The following E2F6 variants were observed in gnomAD, a reference collection of about 807,000 sequenced individuals.
E2F6 encodes E2F transcription factor 6.
E2F6 carries 19 observed loss-of-function variants against 31.5 expected under a neutral mutation model. The ratio of observed to expected loss-of-function variants is 0.60; its 90% CI spans 0.42 to 0.89. E2F6 has a LOEUF of 0.89. Ranked by LOEUF, E2F6 falls within the 40% of genes least tolerant of loss-of-function variation. The pLI, the probability that E2F6 is intolerant of heterozygous loss-of-function variation, is 0.00. For missense variants in E2F6, 269 were observed against 341.6 expected (o/e 0.79, Z 1.67); for synonymous variants, 121 against 127.7 (o/e 0.95, Z 0.36).
At chr2:11,461,350 T>C (rs1671767668) in intron 1 of E2F6, among the ~76,000 whole-genome samples, 1 of 152,114 alleles carries the variant, frequency 6.6e-6, no homozygotes, top group Non-Finnish European at 1.5e-5. Flanking sequence ...CTTTCTATTT[T>C]ATTTATTTAT....
rs986692351 is a variant in E2F6, at chr2:11,444,605, A to T, written c.*1872T>A. On this transcript the variant is annotated 3_prime_UTR_variant, in exon 7 of 7. Coordinates refer to ENST00000381525, the MANE Select transcript of E2F6 (RefSeq NM_198256.4). Reference sequence around the variant, plus strand: ...CCCACCCGCCCCATTATTCCTTCTCAGGAGACTTCTTCTGTATTTCTCCTT... The same window carrying T: ...CCCACCCGCCCCATTATTCCTTCTCTGGAGACTTCTTCTGTATTTCTCCTT... The T allele has an allele frequency of 7.9e-6, 1 of 125,854 alleles. No individual in the cohort carries two copies. The highest frequency in any genetic ancestry group is 1.6e-5 in the Non-Finnish European group (1 of 64,344). 7.8% of individuals were successfully genotyped at this position (125,854 alleles called of 1,614,324 possible).
At chr2:11,465,691 A>G (rs1672145942) in intron 1 of E2F6, 81 bp downstream of exon 1, 1 of 1,451,354 alleles carries the variant, frequency 6.9e-7, no homozygotes, top group African/African-American at 1.4e-5. Context: ...GACGACGGCC[A>G]GCGGGGTTGG....
chr2:11,450,172 GA>G, intron 4 of E2F6, 46 bp from the exon 5 acceptor site: 1 of 1,319,996 alleles, frequency 7.6e-7, no homozygotes, highest in Non-Finnish European at 1.1e-6. Flanking sequence ...GTTTACTGGG[GA>G]GGTAATTTAT....
rs750544995 is a variant in E2F6, at chr2:11,453,666, C to A, written c.296G>T (p.Arg99Leu). 6.2e-7 allele frequency: 1 copy of A among 1,614,166 alleles called. No individual in the cohort carries two copies. Among genetic ancestry groups the A allele is most frequent in the East Asian group, 2.2e-5 (1 of 44,880 alleles). Residue 99 changes from arginine to leucine, a missense_variant, in exon 3 of 7, where the codon CGA becomes CTA. Physicochemically the swap from Arg to Leu is moderately radical, Grantham distance 102. Transcript: ENST00000381525. ...LNKVATKLGV[R>L]KRRVYDITNV... is the part of the protein sequence containing the mutation. ...GGTGATGTCATACACTCTCCGCTTT[C>A]GGACTCCCAGTTTCGTTGCAACCTT...
chr2:11,465,763 G>A lies in E2F6; in HGVS notation c.108+9C>T. On this transcript the variant is annotated intron_variant, in intron 1 of 6. Coordinates refer to ENST00000381525, the MANE Select transcript of E2F6 (RefSeq NM_198256.4). The stretch of plus-strand genomic sequence containing the variant: ...CCACCGCCCGTCCCCGTCCCGTCCC[G>A]GAGCTTACCAGCAGGCCCTCCACGT... 15 of 1,583,052 alleles carry A rather than the reference G, an allele frequency of 9.5e-6. No individual in the cohort carries two copies. Among genetic ancestry groups the A allele is most frequent in the East Asian group, 2.3e-5 (1 of 43,080 alleles).
At position 11,448,423 on chromosome 2, in the gene E2F6, A is replaced by G. The variant is rs72770184; in HGVS notation, c.652-649T>C. Among the ~76,000 whole-genome samples the G allele has an allele frequency of 3.1e-3, 471 of 152,294 alleles. 1 individual carries two copies. The highest frequency in any genetic ancestry group is 6.8e-3 in the South Asian group (33 of 4,824). On this transcript the variant is annotated intron_variant, in intron 5 of 6. Coordinates refer to ENST00000381525, the MANE Select transcript of E2F6 (RefSeq NM_198256.4). ...AATTGGGAGCTGCTTCAACTATAAC[A>G]AAGTCTGTTTTCTCCCCTTTAATGC...
intron 2 of E2F6, 119 bp from the exon 3 acceptor site, chr2:11,453,917 G>T: frequency 1.2e-6 from 1 of 850,836 alleles, no homozygotes; most frequent in South Asian, 1.8e-5. Flanking sequence ...CCTACACATT[G>T]ACCAAATCAA....
chr2:11,461,445 G>T (rs1322430441), intron 1 of E2F6, among the ~76,000 whole-genome samples: 1 of 152,172 alleles, frequency 6.6e-6, no homozygotes, highest in East Asian at 1.9e-4. Context: ...TCCACCTCCT[G>T]GGTTCAAGTG....
intron 1 of E2F6, among the ~76,000 whole-genome samples, chr2:11,462,810 G>A (rs1242309400): frequency 1.3e-5 from 2 of 152,150 alleles, no homozygotes; most frequent in Admixed American, 6.5e-5. Context: ...TACTGAGAAT[G>A]GCAAGCAGTT....
Position 11,451,700 on chromosome 2 carries a change from C to A in E2F6, c.487G>T (p.Asp163Tyr). 3 of 1,611,646 alleles carry A rather than the reference C, an allele frequency of 1.9e-6. 1 individual carries two copies. Among genetic ancestry groups the A allele is most frequent in the East Asian group, 4.5e-5 (2 of 44,816 alleles). Residue 163 changes from aspartate to tyrosine, a missense_variant, in exon 4 of 7, where the codon GAT (aspartate) becomes TAT (tyrosine). Asp to Tyr is a radical substitution (Grantham distance 160). Transcript: ENST00000381525. ...MEDALDELIK[D>Y]CAQQLFELTD... The stretch of plus-strand genomic sequence containing the variant: ...AACTCAAACAGCTGCTGAGCACAAT[C>A]CTTAATTAACTCATCCAAAGCATCT...
intron 5 of E2F6, among the ~76,000 whole-genome samples, chr2:11,449,483 T>G (rs1277471651): frequency 3.3e-5 from 5 of 152,166 alleles, no homozygotes; most frequent in Admixed American, 1.3e-4. Context: ...CAATTATCTT[T>G]CAATGCAAAT....
rs142815155 is a variant in E2F6 at position 11,447,668 on chromosome 2, G to A, written c.758C>T (p.Thr253Ile). 419 of 1,611,972 alleles carry A rather than the reference G, an allele frequency of 2.6e-4. 1 individual carries two copies. In the Admixed American group the frequency reaches 6.9e-3, roughly 27 times the overall value. ...TSNKRSEGVG[T>I]SSSESTHPEG... The stretch of plus-strand genomic sequence containing the variant: ...TGGATGAGTGCTCTCAGATGAAGAG[G>A]TCCCGACACCTTCAGACCTTTTGTT... Residue 253 changes from threonine to isoleucine, a missense_variant, in exon 6 of 7, where the codon ACC (threonine) becomes ATC (isoleucine). Coordinates refer to ENST00000381525, the MANE Select transcript of E2F6 (RefSeq NM_198256.4).
chr2:11,460,951 G>A (rs183758606), intron 1 of E2F6, among the ~76,000 whole-genome samples: 1,561 of 150,794 alleles, frequency 0.01, 22 homozygotes, highest in African/African-American at 0.035. Flanking sequence ...TTTGGTACCA[G>A]AAGTGGAGTG....
At position 11,446,121 on chromosome 2, in the gene E2F6, T is replaced by C. The variant is rs1411091976; in HGVS notation, c.*356A>G. Reference sequence around the variant, plus strand: ...AACCAGTGTAAGGCAATTTCTTTTGTGATATATGACATACTCCTTGAAGGG... The same window carrying C: ...AACCAGTGTAAGGCAATTTCTTTTGCGATATATGACATACTCCTTGAAGGG... On this transcript the variant is annotated 3_prime_UTR_variant, in exon 7 of 7. Transcript: ENST00000381525. The C allele has an allele frequency of 2.0e-5, 5 of 245,634 alleles. No homozygotes were observed. Among genetic ancestry groups the C allele is most frequent in the Non-Finnish European group, 3.1e-5 (4 of 127,346 alleles). 15.2% of individuals were successfully genotyped at this position (245,634 alleles called of 1,614,324 possible).
chr2:11,445,324 T>C lies in E2F6; in HGVS notation c.*1153A>G, dbSNP rs1228171635. The C allele has an allele frequency of 2.6e-5, 4 of 152,648 alleles. No individual in the cohort carries two copies. The highest frequency in any genetic ancestry group is 5.9e-5 in the Non-Finnish European group (4 of 68,054). 9.5% of individuals were successfully genotyped at this position (152,648 alleles called of 1,614,324 possible). On this transcript the variant is annotated 3_prime_UTR_variant, in exon 7 of 7. Coordinates refer to ENST00000381525, the MANE Select transcript of E2F6 (RefSeq NM_198256.4). ...TGTTCAGACATTTATTGAGCACTTC[T>C]TAAGGGCCAGGCATGGTGTGAGGCA...
intron 5 of E2F6, 48 bp downstream of exon 5, chr2:11,449,964 C>T (rs759073236): frequency 1.8e-5 from 26 of 1,434,056 alleles, no homozygotes; most frequent in South Asian, 1.4e-4. Context: ...CCTAAGCAGT[C>T]GGCCCTCATC....
chr2:11,463,958 G>GGGGGGGA (rs56958029), intron 1 of E2F6, among the ~76,000 whole-genome samples: 2 of 106,444 alleles, frequency 1.9e-5, no homozygotes, highest in Non-Finnish European at 2.0e-5. Flanking sequence ...CGGGGGGGGG[G>GGGGGGGA]ACAAAAACAA....
intron 2 of E2F6, chr2:11,455,251 TTGTCACTC>T: frequency 2.1e-6 from 2 of 951,442 alleles, no homozygotes; most frequent in Non-Finnish European, 2.6e-6. Context: ...TAAAATAACT[TTGTCACTC>T]TGGTGTGGAA....
chr2:11,447,527 T>G lies in E2F6; in HGVS notation c.799+100A>C, dbSNP rs1572486044. ...ATGCTGTAATTTTTTACTCATGTTT[T>G]TGTGGCTAGGAAGAGTAAAAATATC... is the stretch of plus-strand genomic sequence containing the variant. On this transcript the variant is annotated intron_variant, in intron 6 of 6. Transcript: ENST00000381525. 4.0e-5 allele frequency: 51 copies of G among 1,289,410 alleles called. No individual in the cohort carries two copies. In the South Asian group the frequency reaches 6.8e-4, roughly 17 times the overall value. The allele number at this position is 1,289,410 out of a possible 1,614,324, so 79.9% of individuals were successfully genotyped here.
Sources: allele counts gnomAD v4.1 joint callset (sites outside exome capture counted in the v4.1 genomes callset), GRCh38; gene constraint gnomAD v4.1.1; transcripts MANE v1.5; gene names NCBI Gene and HGNC (gene_info 2026-07-23, HGNC 2026-07-21).